Variants in HIPK3 observed in about 807,000 individuals in gnomAD.
The protein encoded by HIPK3 is homeodomain-interacting protein kinase 3.
Under a neutral mutation model 124.2 loss-of-function variants are expected in HIPK3, and 47 were observed. The ratio of observed to expected loss-of-function variants is 0.38; its 90% CI spans 0.30 to 0.48. The LOEUF is 0.48. Ranked by LOEUF, HIPK3 falls within the 20% of genes least tolerant of loss-of-function variation. The pLI, the probability that HIPK3 is intolerant of heterozygous loss-of-function variation, is 0.98. For synonymous variants in HIPK3, 482 were observed against 515.2 expected, an observed-to-expected ratio of 0.94 and a Z score of 0.87; for missense variants, 1,286 against 1,454.3, an observed-to-expected ratio of 0.88 and a Z score of 1.88.
intron 1 of HIPK3, among the ~76,000 whole-genome samples, chr11:33,277,013 T>G (rs1196844649): frequency 6.6e-6 from 1 of 152,208 alleles, no homozygotes; most frequent in African/African-American, 2.4e-5. Flanking sequence ...GCTGTATTTT[T>G]GTAATTTAAA....
In HIPK3 at chr11:33,286,765, T is replaced by C. The variant is rs1279965972; in HGVS notation, c.351T>C (p.His117=). 6.2e-7 allele frequency: 1 copy of C among 1,614,076 alleles called. No homozygotes were observed. The highest frequency in any genetic ancestry group is 1.7e-5 in the Admixed American group (1 of 60,018). The change falls in exon 2 of 17, where the codon CAT becomes CAC. Residue 117 remains histidine (H), a synonymous_variant. Transcript: ENST00000303296. ...PQIGAWRNRL[H]FLEGPQRCGL... ...TTGGGGCGTGGCGAAACAGATTGCATTTCCTAGAAGGCCCCCAGCGATGTG... is the reference window on the plus strand; with the variant it reads ...TTGGGGCGTGGCGAAACAGATTGCACTTCCTAGAAGGCCCCCAGCGATGTG...
Position 33,286,480 on chromosome 11 carries a change from T to C in HIPK3, c.66T>C (p.Ser22=), listed in dbSNP as rs753927830. The change falls in exon 2 of 17, where the codon AGT becomes AGC. Residue 22 remains serine (S), a synonymous_variant. Transcript: ENST00000303296. ...VYQTQSSAFC[S]VKKLKVEPSS... is the part of the protein sequence containing the mutation. ...AAACTCAGTCAAGTGCCTTTTGTAG[T>C]GTGAAGAAACTCAAAGTAGAGCCAA... The C allele has an allele frequency of 6.2e-7, 1 of 1,612,936 alleles. No individual in the cohort carries two copies. The highest frequency in any genetic ancestry group is 8.5e-7 in the Non-Finnish European group (1 of 1,179,830).
intron 8 of HIPK3, among the ~76,000 whole-genome samples, chr11:33,346,805 A>G (rs547657588): frequency 2.6e-5 from 4 of 152,356 alleles, no homozygotes; most frequent in African/African-American, 9.6e-5. Flanking sequence ...GGAATGATGT[A>G]TATCACAAAG....
intron 5 of HIPK3, 47 bp from the exon 6 acceptor site, chr11:33,339,303 T>C (rs558054049): frequency 6.8e-7 from 1 of 1,461,888 alleles, no homozygotes; most frequent in African/African-American, 1.4e-5. Context: ...TATACTACTC[T>C]CTGTGACTTA....
intron 1 of HIPK3, among the ~76,000 whole-genome samples, chr11:33,282,381 A>T (rs980133599): frequency 5.3e-5 from 8 of 151,636 alleles, no homozygotes; most frequent in African/African-American, 1.9e-4. Flanking sequence ...ACTGTCTCAA[A>T]AAAAAAGAAA....
chr11:33,295,277 GC>G (rs34093915), intron 2 of HIPK3, among the ~76,000 whole-genome samples: 1,865 of 106,658 alleles, frequency 0.017, 44 homozygotes, highest in African/African-American at 0.065. Context: ...AGCCACCACC[GC>G]CCCCCCCCCA....
intron 1 of HIPK3, among the ~76,000 whole-genome samples, chr11:33,273,408 C>T (rs934348039): frequency 2.8e-5 from 4 of 143,268 alleles, no homozygotes; most frequent in Non-Finnish European, 4.5e-5. Flanking sequence ...ACTCGGGAGG[C>T]TGAGGCAGGA....
chr11:33,270,260 G>A (rs1374252828), intron 1 of HIPK3, among the ~76,000 whole-genome samples: 2 of 152,252 alleles, frequency 1.3e-5, no homozygotes, highest in African/African-American at 2.4e-5. Context: ...GATTACAGGC[G>A]TGAGCCACCA....
At chr11:33,277,413 C>G (rs1450643247) in intron 1 of HIPK3, among the ~76,000 whole-genome samples, 1 of 152,208 alleles carries the variant, frequency 6.6e-6, no homozygotes, top group African/African-American at 2.4e-5. Flanking sequence ...TTCCTCCTAA[C>G]ATTTTAACAT....
chr11:33,298,645 GGAA>G (rs1341940673), intron 2 of HIPK3, among the ~76,000 whole-genome samples: 3 of 152,224 alleles, frequency 2.0e-5, no homozygotes, highest in Admixed American at 2.0e-4. Context: ...ACAGGAATTT[GGAA>G]GAAGTTGATT....
Position 33,258,329 on chromosome 11 carries a change from C to G in HIPK3, c.-3+440C>G, listed in dbSNP as rs547232432. ...GGCCGTAACTACGGAGATCCCTTTCCTTTCATTAAGGGGAACAAACAAACG... is the reference window on the plus strand; with the variant it reads ...GGCCGTAACTACGGAGATCCCTTTCGTTTCATTAAGGGGAACAAACAAACG... On this transcript the variant is annotated intron_variant, in intron 1 of 16. Transcript: ENST00000303296. 4.1e-6 allele frequency: 4 copies of G among 985,486 alleles called. No homozygotes were observed. The South Asian group carries it at 1.9e-4, about 46-fold the overall frequency. 61.0% of individuals were successfully genotyped at this position (985,486 alleles called of 1,614,324 possible).
chr11:33,266,649 A>G (rs1164409584), intron 1 of HIPK3, among the ~76,000 whole-genome samples: 1 of 152,208 alleles, frequency 6.6e-6, no homozygotes, highest in Non-Finnish European at 1.5e-5. Context: ...TCGATGCTGC[A>G]GTAAGTAAAC....
intron 2 of HIPK3, among the ~76,000 whole-genome samples, chr11:33,317,555 C>G (rs931796155): frequency 1.3e-5 from 2 of 152,188 alleles, no homozygotes; most frequent in Admixed American, 1.3e-4. Context: ...TCGTGAGCCA[C>G]TGCACCTGGC....
At chr11:33,352,389 C>T in intron 16 of HIPK3, 124 bp downstream of exon 16, 1 of 995,932 alleles carries the variant, frequency 1.0e-6, no homozygotes, top group Non-Finnish European at 1.5e-6. Context: ...CTCATTATCC[C>T]AAGTGGCTAA....
intron 4 of HIPK3, among the ~76,000 whole-genome samples, 158 bp downstream of exon 4, chr11:33,337,352 A>AT (rs1565092708): frequency 6.7e-6 from 1 of 148,260 alleles, no homozygotes; most frequent in South Asian, 2.1e-4. Context: ...ATTTTTTTCA[A>AT]TTTTTTTAGT....
chr11:33,341,435 T>C (rs777375469), intron 7 of HIPK3, 128 bp from the exon 8 acceptor site: 253 of 1,026,090 alleles, frequency 2.5e-4, no homozygotes, highest in Admixed American at 4.3e-4. Context: ...CAGCTTGTTT[T>C]TGTTCTCATT....
Position 33,257,468 on chromosome 11 carries a change from C to T in HIPK3, c.-424C>T. On this transcript the variant is annotated 5_prime_UTR_variant, in exon 1 of 17. Transcript: ENST00000303296. ...GCCCCGCCGTCGCCACCACTCCCGCCAGTCTTCCTTCTCCGCTCCCGGCCG... is the reference window on the plus strand; with the variant it reads ...GCCCCGCCGTCGCCACCACTCCCGCTAGTCTTCCTTCTCCGCTCCCGGCCG... 1 of 985,898 alleles carries T rather than the reference C, an allele frequency of 1.0e-6. No individual in the cohort carries two copies. Among genetic ancestry groups the T allele is most frequent in the Non-Finnish European group, 1.2e-6 (1 of 830,376 alleles). The allele number at this position is 985,898 out of a possible 1,614,324, so 61.1% of individuals were successfully genotyped here.
At chr11:33,312,288 CTG>C (rs1852373099) in intron 2 of HIPK3, among the ~76,000 whole-genome samples, 1 of 152,214 alleles carries the variant, frequency 6.6e-6, no homozygotes, top group Non-Finnish European at 1.5e-5. Context: ...GTTCTCTAGA[CTG>C]TTATTTGTTG....
chr11:33,329,484 G>A (rs1341402278), intron 3 of HIPK3, among the ~76,000 whole-genome samples: 1 of 152,090 alleles, frequency 6.6e-6, no homozygotes, highest in African/African-American at 2.4e-5. Flanking sequence ...TTATAGCCTT[G>A]TATTTTAGGG....
Sources: allele counts gnomAD v4.1 joint callset (sites outside exome capture counted in the v4.1 genomes callset), GRCh38; gene constraint gnomAD v4.1.1; transcripts MANE v1.5; gene names NCBI Gene and HGNC (gene_info 2026-07-23, HGNC 2026-07-21).